The following CCDC88B variants were observed in gnomAD, a reference collection of about 807,000 sequenced individuals.
The protein encoded by CCDC88B is coiled-coil domain-containing protein 88B.
Under a neutral mutation model 183.7 loss-of-function variants are expected in CCDC88B, and 138 were observed. The ratio of observed to expected loss-of-function variants is 0.75; its 90% CI spans 0.65 to 0.87. CCDC88B has a LOEUF of 0.87. Among genes scored for constraint, CCDC88B ranks in the 40% least tolerant of loss-of-function variants. The pLI is 0.00. For synonymous variants in CCDC88B, 835 were observed against 867.5 expected (o/e 0.96, Z 0.66); for missense variants, 1,822 against 1,965.6 (o/e 0.93, Z 1.38).
In CCDC88B at chr11:64,344,105, G is replaced by GA; in HGVS notation, c.1564_1565insA (p.Ala522AspfsTer25). 1 of 1,613,254 alleles carries GA rather than the reference G, an allele frequency of 6.2e-7. No homozygotes were observed. Among genetic ancestry groups the GA allele is most frequent in the Non-Finnish European group, 8.5e-7 (1 of 1,179,844 alleles). On this transcript the variant is annotated frameshift_variant, in exon 14 of 27. Coordinates refer to ENST00000356786, the MANE Select transcript of CCDC88B (RefSeq NM_032251.6). LOFTEE classifies it high-confidence loss of function. This position sits in a 1 kb window ranked among gnomAD's most constrained non-coding sequence, Gnocchi z 4.5. Reference sequence around the variant, plus strand: ...CAGCCCTCAGGGCTTGGTTCAGAAGGCAAGGGATGGAGGCCCCCAGGCCTT... The same window carrying GA: ...CAGCCCTCAGGGCTTGGTTCAGAAGGACAAGGGATGGAGGCCCCCAGGCCTT...
intron 18 of CCDC88B, 144 bp from the exon 19 acceptor site, chr11:64,351,986 C>T (rs2036350936): frequency 7.5e-6 from 9 of 1,203,432 alleles, no homozygotes; most frequent in African/African-American, 1.5e-5. Context: ...GCTTGTACTG[C>T]CTGCTGTGCC....
intron 16 of CCDC88B, among the ~76,000 whole-genome samples, chr11:64,350,946 CAG>C (rs1288179444): frequency 6.6e-6 from 1 of 152,188 alleles, no homozygotes; most frequent in Non-Finnish European, 1.5e-5. Flanking sequence ...GGCTCTGCCG[CAG>C]AGAGACAGAA....
Position 64,352,211 on chromosome 11 carries a change from CG to C in CCDC88B, c.3183del (p.Gln1062SerfsTer31). The C allele has an allele frequency of 6.2e-7, 1 of 1,610,022 alleles. No individual in the cohort carries two copies. Among genetic ancestry groups the C allele is most frequent in the East Asian group, 2.2e-5 (1 of 44,732 alleles). Reference sequence around the variant, plus strand: ...GCTGGAGGAGGAGGTGCGGGCGGCACGGCAGTCCCAGGAGGAGACCCGCGGG... The same window carrying C: ...GCTGGAGGAGGAGGTGCGGGCGGCACGCAGTCCCAGGAGGAGACCCGCGGG... Reference protein sequence around the residue: ...EVLEEEVRAARQSQEETRGQQ... With the variant: ...EVLEEEVRAAXQSQEETRGQQ... On this transcript the variant is annotated frameshift_variant, in exon 19 of 27. Transcript: ENST00000356786. LOFTEE classifies it high-confidence loss of function.
rs374439517 is a variant in CCDC88B, at chr11:64,340,597, C to T, written c.61-10C>T. 1.0e-4 allele frequency: 166 copies of T among 1,605,400 alleles called. No homozygotes were observed. The African/African-American group carries it at 1.9e-3, about 19-fold the overall frequency. ...CTGCTGGTCGGCTGACCCCTCTGGG[C>T]TCCTCACAGGCGCTGGGACTGGCCG... On this transcript the variant is annotated splice_polypyrimidine_tract_variant and intron_variant, in intron 1 of 26. Coordinates refer to ENST00000356786, the MANE Select transcript of CCDC88B (RefSeq NM_032251.6).
At chr11:64,343,354 G>C (rs1319978643) in intron 11 of CCDC88B, 29 bp downstream of exon 11, 1 of 1,547,510 alleles carries the variant, frequency 6.5e-7, no homozygotes, top group African/African-American at 1.4e-5. Context: ...TCCCACTTGG[G>C]TTGCCCCGTC....
At chr11:64,355,449 A>C (rs2036517801) in intron 25 of CCDC88B, 49 bp downstream of exon 25, 2 of 1,582,318 alleles carry the variant, frequency 1.3e-6, no homozygotes, top group Non-Finnish European at 8.6e-7. Context: ...CTCTTTGTGG[A>C]CCCACCAGCT....
At chr11:64,354,255 T>C in intron 24 of CCDC88B, 85 bp downstream of exon 24, 1 of 1,182,372 alleles carries the variant, frequency 8.5e-7, no homozygotes, top group Non-Finnish European at 1.1e-6. Context: ...CTGCCTGGCC[T>C]GCATGCGTGA....
Position 64,352,262 on chromosome 11 carries a change from C to G in CCDC88B, c.3232C>G (p.His1078Asp). The change falls in exon 19 of 27, where the codon CAC (histidine) becomes GAC (aspartate). Residue 1078 changes from histidine to aspartate, a missense_variant. Transcript: ENST00000356786. The part of the protein sequence containing the change: ...RGQQQALLRD[H>D]KALAQLQRRQ... ...GCAGCAGCAGGCCCTGCTTCGGGAC[C>G]ACAAGGCCCTGGCACAGCTGCAGCG... 1 of 1,601,414 alleles carries G rather than the reference C, an allele frequency of 6.2e-7. No individual in the cohort carries two copies.
chr11:64,355,617 C>A lies in CCDC88B; in HGVS notation c.4364C>A (p.Ala1455Asp). The change falls in exon 26 of 27, where the codon GCC (alanine) becomes GAC (aspartate). Residue 1455 changes from alanine to aspartate, a missense_variant. Coordinates refer to ENST00000356786, the MANE Select transcript of CCDC88B (RefSeq NM_032251.6). ...AETLQEHETD[A>D]NREGPEVQEP... ...ACCCTGCAGGAACACGAAACAGATG[C>A]CAACCGAGAGGGTGAGTGGGGGACT... 1.2e-6 allele frequency: 2 copies of A among 1,611,276 alleles called. No individual in the cohort carries two copies. The highest frequency in any genetic ancestry group is 1.7e-6 in the Non-Finnish European group (2 of 1,178,928).
At position 64,349,467 on chromosome 11, in the gene CCDC88B, A is replaced by G. The variant is rs1439208289; in HGVS notation, c.2744+9A>G. 1.6e-6 allele frequency: 2 copies of G among 1,283,876 alleles called. No individual in the cohort carries two copies. The highest frequency in any genetic ancestry group is 2.4e-5 in the South Asian group (2 of 83,066). 79.5% of individuals were successfully genotyped at this position (1,283,876 alleles called of 1,614,324 possible). On this transcript the variant is annotated intron_variant, in intron 15 of 26. Coordinates refer to ENST00000356786, the MANE Select transcript of CCDC88B (RefSeq NM_032251.6). ...GAAAGCCAGCACCAGAGGTGGGGAC[A>G]GGGCTGAGGGGAAGAATGAGGGAGG...
chr11:64,343,414 C>T, intron 11 of CCDC88B, 89 bp downstream of exon 11: 1 of 1,539,428 alleles, frequency 6.5e-7, no homozygotes, highest in Non-Finnish European at 8.8e-7. Context: ...TTCTTGCAAC[C>T]TCTGCTCTTG....
In CCDC88B at chr11:64,352,765, GC is replaced by G; in HGVS notation, c.3379del (p.Arg1127GlyfsTer18). 6.2e-7 allele frequency: 1 copy of G among 1,613,522 alleles called. No homozygotes were observed. Among genetic ancestry groups the G allele is most frequent in the Non-Finnish European group, 8.5e-7 (1 of 1,180,002 alleles). On this transcript the variant is annotated frameshift_variant, in exon 20 of 27. Coordinates refer to ENST00000356786, the MANE Select transcript of CCDC88B (RefSeq NM_032251.6). LOFTEE classifies it high-confidence loss of function. ...CCAGGCACGAGCAGCTGCAGGCCCA[GC>G]GGGCCAGCGTGGAGGCACAGGAGGT... ...QGRHEQLQAQRASVEAQEVAL... is the reference protein window; with the variant it reads ...QGRHEQLQAQXASVEAQEVAL...
chr11:64,357,192 C>CA lies in CCDC88B; in HGVS notation c.*100dup. 1.4e-6 allele frequency: 2 copies of CA among 1,426,300 alleles called. No homozygotes were observed. Among genetic ancestry groups the CA allele is most frequent in the Non-Finnish European group, 2.0e-6 (2 of 1,010,214 alleles). The allele number at this position is 1,426,300 out of a possible 1,614,324, so 88.4% of individuals were successfully genotyped here. ...CAAGAGCTCAGGGAGCCAGGGACCCCAAGGGGAGTCCTTGGACAAGGAGGC... is the reference window on the plus strand; with the variant it reads ...CAAGAGCTCAGGGAGCCAGGGACCCCAAAGGGGAGTCCTTGGACAAGGAGGC... On this transcript the variant is annotated 3_prime_UTR_variant, in exon 27 of 27. Transcript: ENST00000356786.
Position 64,351,262 on chromosome 11 carries a change from G to T in CCDC88B, c.2958+7G>T. 6.6e-7 allele frequency: 1 copy of T among 1,515,322 alleles called. No individual in the cohort carries two copies. Among genetic ancestry groups the T allele is most frequent in the Non-Finnish European group, 8.8e-7 (1 of 1,131,274 alleles). The allele number at this position is 1,515,322 out of a possible 1,614,324, so 93.9% of individuals were successfully genotyped here. A position where few individuals can be genotyped will look rare whatever the true frequency, so the allele number is the denominator to read the frequency against. On this transcript the variant is annotated splice_region_variant and intron_variant, in intron 17 of 26. Transcript: ENST00000356786. ...TATTGAGGTGGAGCGCAGTGTGAGT[G>T]TGGGCCCACAGTGGGCCCTGGGGAG... is the stretch of plus-strand genomic sequence containing the variant.
chr11:64,341,295 C>T lies in CCDC88B; in HGVS notation c.414C>T (p.Gly138=). ...LSEEAVEQLE[G]VLRLLLGASV... is the part of the protein sequence containing the mutation. Reference sequence around the variant, plus strand: ...AAGAAGCGGTGGAGCAGCTGGAAGGCGTTCTTCGGCTACTGTTGGGAGCGT... The same window carrying T: ...AAGAAGCGGTGGAGCAGCTGGAAGGTGTTCTTCGGCTACTGTTGGGAGCGT... Residue 138 remains glycine (G), a synonymous_variant, in exon 5 of 27, where the codon GGC becomes GGT. Transcript: ENST00000356786. The T allele has an allele frequency of 6.2e-7, 1 of 1,614,080 alleles. No individual in the cohort carries two copies. The highest frequency in any genetic ancestry group is 8.5e-7 in the Non-Finnish European group (1 of 1,180,018).
chr11:64,353,625 G>T, intron 22 of CCDC88B, 90 bp from the exon 23 acceptor site: 1 of 1,582,818 alleles, frequency 6.3e-7, no homozygotes. Flanking sequence ...TGCGGCACGG[G>T]ACCAGTGCGT....
At chr11:64,355,428 C>T (rs1272512229) in intron 25 of CCDC88B, 28 bp downstream of exon 25, 37 of 1,586,210 alleles carry the variant, frequency 2.3e-5, no homozygotes, top group Middle Eastern at 3.3e-4. Flanking sequence ...CTGTACCAGC[C>T]AGCCCCCCAA....
At position 64,342,589 on chromosome 11, in the gene CCDC88B, A is replaced by G. The variant is rs1391306619; in HGVS notation, c.971A>G (p.Glu324Gly). 3.3e-6 allele frequency: 5 copies of G among 1,530,828 alleles called. No homozygotes were observed. Among genetic ancestry groups the G allele is most frequent in the Non-Finnish European group, 4.4e-6 (5 of 1,145,210 alleles). The allele number at this position is 1,530,828 out of a possible 1,614,324, so 94.8% of individuals were successfully genotyped here. A position where few individuals can be genotyped will look rare whatever the true frequency, so the allele number is the denominator to read the frequency against. Residue 324 changes from glutamate to glycine, a missense_variant, in exon 10 of 27, where the codon GAG (glutamate) becomes GGG (glycine). Glu to Gly is a moderately conservative substitution (Grantham distance 98). Coordinates refer to ENST00000356786, the MANE Select transcript of CCDC88B (RefSeq NM_032251.6). ...CGCGAGGAGGCAGAGGCGCTGCGGG[A>G]GCGGGCCGGCCGCCTGCCCCGCCTG... The part of the protein sequence containing the change: ...LYREEAEALR[E>G]RAGRLPRLQE...
chr11:64,342,911 A>C, intron 10 of CCDC88B: 1 of 263,254 alleles, frequency 3.8e-6, no homozygotes, highest in East Asian at 7.5e-5. Context: ...CCTTGGAAGG[A>C]GGGCTGTTCC....
Sources: allele counts gnomAD v4.1 joint callset (sites outside exome capture counted in the v4.1 genomes callset), GRCh38; gene constraint gnomAD v4.1.1; non-coding constraint Gnocchi (gnomAD v3.1); transcripts MANE v1.5; gene names NCBI Gene and HGNC (gene_info 2026-07-23, HGNC 2026-07-21).